The following SLC24A3 variants were observed in gnomAD, a reference collection of about 807,000 sequenced individuals.
The protein encoded by SLC24A3 is solute carrier family 24 member 3.
In SLC24A3, 28 loss-of-function variants were observed where a neutral mutation model predicts 75.8. The ratio of observed to expected loss-of-function variants is 0.37; its 90% CI spans 0.27 to 0.51. The LOEUF is 0.51. Among genes scored for constraint, SLC24A3 ranks in the 20% least tolerant of loss-of-function variants. The pLI, the probability that SLC24A3 is intolerant of heterozygous loss-of-function variation, is 0.94. For missense variants in SLC24A3, 663 were observed against 847.8 expected (o/e 0.78, Z 2.71); for synonymous variants, 372 against 334.1 (o/e 1.11, Z -1.24).
intron 2 of SLC24A3, among the ~76,000 whole-genome samples, chr20:19,429,875 T>A (rs1264398690): frequency 2.0e-5 from 3 of 152,174 alleles, no homozygotes; most frequent in Non-Finnish European, 4.4e-5. Flanking sequence ...AGGGAGAATT[T>A]CCTCACAATA....
intron 2 of SLC24A3, among the ~76,000 whole-genome samples, chr20:19,365,448 G>T (rs558850557): frequency 1.9e-4 from 29 of 152,184 alleles, no homozygotes; most frequent in Admixed American, 1.2e-3. Context: ...ATTCCACTGT[G>T]GGGCGTTTCT....
chr20:19,482,192 C>T (rs1239255291), intron 2 of SLC24A3, among the ~76,000 whole-genome samples: 1 of 152,218 alleles, frequency 6.6e-6, no homozygotes, highest in Non-Finnish European at 1.5e-5. Flanking sequence ...ACCAACACTT[C>T]AACCTGATCC....
chr20:19,478,832 C>G (rs1988004239), intron 2 of SLC24A3, among the ~76,000 whole-genome samples: 1 of 152,248 alleles, frequency 6.6e-6, no homozygotes, highest in Non-Finnish European at 1.5e-5. Context: ...GGAGTTGTCT[C>G]AAGTTCATCT....
intron 2 of SLC24A3, among the ~76,000 whole-genome samples, chr20:19,460,044 A>T (rs2206640): frequency 1.3e-5 from 2 of 151,934 alleles, no homozygotes; most frequent in South Asian, 2.1e-4. Context: ...AAGATAGAAA[A>T]GAAGTGGGCC....
intron 3 of SLC24A3, among the ~76,000 whole-genome samples, chr20:19,577,230 T>A (rs903927691): frequency 2.0e-5 from 3 of 152,148 alleles, no homozygotes; most frequent in Admixed American, 6.5e-5. Flanking sequence ...AATTTTTTTG[T>A]ATTTTTAGTA....
At chr20:19,552,859 T>A (rs1027707506) in intron 3 of SLC24A3, among the ~76,000 whole-genome samples, 7 of 151,992 alleles carry the variant, frequency 4.6e-5, no homozygotes, top group African/African-American at 1.7e-4. Flanking sequence ...ACAGCCTACA[T>A]CTGTGTCATC....
At chr20:19,360,770 A>G (rs1985771152) in intron 2 of SLC24A3, among the ~76,000 whole-genome samples, 1 of 152,190 alleles carries the variant, frequency 6.6e-6, no homozygotes, top group South Asian at 2.1e-4. Flanking sequence ...TGAGTGAGCC[A>G]TTATCTTTCT....
chr20:19,344,910 C>A (rs1460317502), intron 2 of SLC24A3, among the ~76,000 whole-genome samples: 1 of 152,148 alleles, frequency 6.6e-6, no homozygotes, highest in Admixed American at 6.5e-5. Flanking sequence ...TACTTTACCC[C>A]TAAGATCAGA....
At chr20:19,295,931 G>T (rs1984049618) in intron 2 of SLC24A3, among the ~76,000 whole-genome samples, 7 of 152,046 alleles carry the variant, frequency 4.6e-5, no homozygotes, top group Admixed American at 4.6e-4. Context: ...CAGAAGAAAT[G>T]GTACCGGCTC....
intron 6 of SLC24A3, among the ~76,000 whole-genome samples, chr20:19,610,739 A>C (rs558885494): frequency 6.6e-6 from 1 of 152,234 alleles, no homozygotes; most frequent in Non-Finnish European, 1.5e-5. Context: ...GATGGGGTAC[A>C]CATACTTCAG....
At chr20:19,581,616 G>A (rs964281064) in intron 4 of SLC24A3, among the ~76,000 whole-genome samples, 5 of 152,152 alleles carry the variant, frequency 3.3e-5, no homozygotes, top group Non-Finnish European at 7.3e-5. Flanking sequence ...TGGTTCAGTC[G>A]CTAAACAGTG....
intron 6 of SLC24A3, among the ~76,000 whole-genome samples, chr20:19,597,367 AC>A: frequency 6.6e-6 from 1 of 152,356 alleles, no homozygotes; most frequent in African/African-American, 2.4e-5. Flanking sequence ...AGCCTGGGCA[AC>A]AGAGTGAAAT....
At chr20:19,344,730 A>G (rs1417728557) in intron 2 of SLC24A3, among the ~76,000 whole-genome samples, 2 of 152,200 alleles carry the variant, frequency 1.3e-5, no homozygotes, top group African/African-American at 2.4e-5. Flanking sequence ...TTCTGGAGAA[A>G]TTAACTCCCC....
At chr20:19,300,215 C>T (rs1359097453) in intron 2 of SLC24A3, among the ~76,000 whole-genome samples, 2 of 152,176 alleles carry the variant, frequency 1.3e-5, no homozygotes, top group African/African-American at 4.8e-5. Context: ...TCTGTGAGTC[C>T]CCTGTAACTG....
intron 2 of SLC24A3, among the ~76,000 whole-genome samples, chr20:19,286,658 A>G (rs934476843): frequency 6.6e-6 from 1 of 152,164 alleles, no homozygotes; most frequent in African/African-American, 2.4e-5. Flanking sequence ...TGAAGAGAAA[A>G]TCTGAGGTCT....
intron 1 of SLC24A3, among the ~76,000 whole-genome samples, chr20:19,214,312 G>A (rs1486762226): frequency 6.6e-6 from 1 of 152,206 alleles, no homozygotes; most frequent in African/African-American, 2.4e-5. Flanking sequence ...CTGACATCAG[G>A]AAGGGGGCCG....
At chr20:19,323,566 TC>T (rs1187559938) in intron 2 of SLC24A3, among the ~76,000 whole-genome samples, 1 of 152,002 alleles carries the variant, frequency 6.6e-6, no homozygotes, top group African/African-American at 2.4e-5. Flanking sequence ...CAGACAGCTG[TC>T]CCCCCAGCAC....
intron 2 of SLC24A3, among the ~76,000 whole-genome samples, chr20:19,386,440 C>A (rs919683040): frequency 7.9e-5 from 12 of 152,072 alleles, no homozygotes; most frequent in African/African-American, 2.7e-4. Context: ...AGCTAGAACT[C>A]CCAGTACTAT....
At chr20:19,448,511 C>T (rs1006943340) in intron 2 of SLC24A3, among the ~76,000 whole-genome samples, 6 of 152,196 alleles carry the variant, frequency 3.9e-5, no homozygotes, top group African/African-American at 1.4e-4. Context: ...TCTGAACCCT[C>T]GAATCACAGC....
Sources: allele counts gnomAD v4.1 joint callset (sites outside exome capture counted in the v4.1 genomes callset), GRCh38; gene constraint gnomAD v4.1.1; transcripts MANE v1.5; gene names NCBI Gene and HGNC (gene_info 2026-07-23, HGNC 2026-07-21).